PHYHIP: variants seen among roughly 807,000 people sequenced by gnomAD.
PHYHIP encodes the protein phytanoyl-CoA 2-hydroxylase interacting protein.
In PHYHIP, 7 loss-of-function variants were observed where a neutral mutation model predicts 26.1. The observed-to-expected ratio is 0.27, with a 90% CI of 0.15 to 0.50. The LOEUF is 0.50. Ranked by LOEUF, PHYHIP falls within the 20% of genes least tolerant of loss-of-function variation. The pLI, the probability that PHYHIP is intolerant of heterozygous loss-of-function variation, is 0.98. For missense variants in PHYHIP, 232 were observed against 454.7 expected, an observed-to-expected ratio of 0.51 and a Z score of 4.45; for synonymous variants, 206 against 183.4, an observed-to-expected ratio of 1.12 and a Z score of -1.00.
chr8:22,224,397 C>A (rs1586489494), intron 3 of PHYHIP, 54 bp from the exon 4 acceptor site: 1 of 1,008,708 alleles, frequency 9.9e-7, no homozygotes, highest in East Asian at 2.4e-5. Context: ...GGAGCACAAA[C>A]ACCTCCTGTC....
chr8:22,226,783 C>T, intron 3 of PHYHIP, 68 bp downstream of exon 3: 1 of 1,445,012 alleles, frequency 6.9e-7, no homozygotes, highest in South Asian at 1.3e-5. Context: ...ACGAGGAAGA[C>T]CCGCCTTGAC....
chr8:22,228,066 A>G (rs1829787387), intron 2 of PHYHIP, 127 bp downstream of exon 2: 2 of 771,426 alleles, frequency 2.6e-6, no homozygotes, highest in African/African-American at 3.5e-5. Context: ...TCCCAAAATG[A>G]CACAGGAAGA....
chr8:22,228,583 G>A (rs1309552852), intron 1 of PHYHIP, 197 bp from the exon 2 acceptor site: 6 of 491,412 alleles, frequency 1.2e-5, no homozygotes, highest in Non-Finnish European at 1.8e-5. Context: ...TGCCCGGGGG[G>A]CTCTTTGCTC....
Position 22,221,270 on chromosome 8 carries a change from G to A in PHYHIP, c.*83C>T, listed in dbSNP as rs1829616356. 7.5e-7 allele frequency: 1 copy of A among 1,331,574 alleles called. No homozygotes were observed. The highest frequency in any genetic ancestry group is 1.5e-5 in the South Asian group (1 of 68,770). 82.5% of individuals were successfully genotyped at this position (1,331,574 alleles called of 1,614,324 possible). A position where few individuals can be genotyped will look rare whatever the true frequency, so the allele number is the denominator to read the frequency against. On this transcript the variant is annotated 3_prime_UTR_variant, in exon 5 of 5. Transcript: ENST00000454243. This position sits in a 1 kb window ranked among gnomAD's most constrained non-coding sequence, Gnocchi z 7.9. The stretch of plus-strand genomic sequence containing the variant: ...GTGGAGGGAGCAGGGGGGCAGGAGA[G>A]AGAAAGCCAGCTCCCTGAACCTGGG...
At chr8:22,225,304 A>G (rs1460069125) in intron 3 of PHYHIP, among the ~76,000 whole-genome samples, 2 of 152,122 alleles carry the variant, frequency 1.3e-5, no homozygotes, top group African/African-American at 2.4e-5. Flanking sequence ...GAAAAACTCC[A>G]TCTCTACAAA....
In PHYHIP at chr8:22,227,034, CAG is replaced by C. The variant is rs1247051472; in HGVS notation, c.166-11_166-10del. 1 of 1,607,236 alleles carries C rather than the reference CAG, an allele frequency of 6.2e-7. No individual in the cohort carries two copies. The highest frequency in any genetic ancestry group is 8.5e-7 in the Non-Finnish European group (1 of 1,177,472). ...AGCTTGGTGGGGACGTCCTGAGAAA[CAG>C]GGTACAAACAGAGAGCCAGGCGTCA... On this transcript the variant is annotated splice_polypyrimidine_tract_variant and intron_variant, in intron 2 of 4. Coordinates refer to ENST00000454243, the MANE Select transcript of PHYHIP (RefSeq NM_014759.5).
At chr8:22,224,927 T>C (rs75850178) in intron 3 of PHYHIP, among the ~76,000 whole-genome samples, 2,878 of 152,204 alleles carry the variant, frequency 0.019, 92 homozygotes, top group African/African-American at 0.064. Flanking sequence ...GGAAACAGGA[T>C]AGCAACATTG....
At chr8:22,227,675 T>C in intron 2 of PHYHIP, 1 of 456,450 alleles carries the variant, frequency 2.2e-6, no homozygotes, top group Non-Finnish European at 4.4e-6. Flanking sequence ...CCATTCCTTT[T>C]CTAAGTCAAG....
chr8:22,223,750 C>T (rs1829683333), intron 4 of PHYHIP: 1 of 154,462 alleles, frequency 6.5e-6, no homozygotes, highest in Non-Finnish European at 1.4e-5. Flanking sequence ...TCCCCCCAAC[C>T]CCATGGCAGC....
intron 2 of PHYHIP, chr8:22,227,562 TC>T (rs1829775292): frequency 3.5e-5 from 16 of 452,922 alleles, no homozygotes; most frequent in South Asian, 2.2e-4. Flanking sequence ...GCCGCCTCAC[TC>T]CCCCTGCCTC....
chr8:22,221,413 A>C lies in PHYHIP; in HGVS notation c.933T>G (p.Ser311=). Residue 311 remains serine (S), a synonymous_variant, in exon 5 of 5, where the codon TCT becomes TCG. Coordinates refer to ENST00000454243, the MANE Select transcript of PHYHIP (RefSeq NM_014759.5). This position sits in a 1 kb window ranked among gnomAD's most constrained non-coding sequence, Gnocchi z 7.9. ...EISGHQLMSL[S]TADAKKDPSC... Reference sequence around the variant, plus strand: ...TGGGGTCCTTCTTGGCATCGGCAGTAGACAGACTCATGAGCTGGTGCCCAC... The same window carrying C: ...TGGGGTCCTTCTTGGCATCGGCAGTCGACAGACTCATGAGCTGGTGCCCAC... 1 of 1,613,522 alleles carries C rather than the reference A, an allele frequency of 6.2e-7. No homozygotes were observed. Among genetic ancestry groups the C allele is most frequent in the African/African-American group, 1.3e-5 (1 of 75,052 alleles).
chr8:22,225,640 C>T (rs1233341164), intron 3 of PHYHIP, among the ~76,000 whole-genome samples: 1 of 127,978 alleles, frequency 7.8e-6, no homozygotes, highest in Admixed American at 8.0e-5. Context: ...ACTAAAAATA[C>T]AAAAAAAAAA....
At position 22,220,750 on chromosome 8, in the gene PHYHIP, C is replaced by G. The variant is rs1829601806; in HGVS notation, c.*603G>C. The G allele has an allele frequency of 6.6e-6, 1 of 152,456 alleles. No individual in the cohort carries two copies. The allele number at this position is 152,456 out of a possible 1,614,324, so 9.4% of individuals were successfully genotyped here. A position where few individuals can be genotyped will look rare whatever the true frequency, so the allele number is the denominator to read the frequency against. ...TGGGCAGGTGGAGAAGGAGGGACAG[C>G]TCTCCCATGCAGGAAGAGGGTTCTT... On this transcript the variant is annotated 3_prime_UTR_variant, in exon 5 of 5. Transcript: ENST00000454243.
chr8:22,224,429 T>C, intron 3 of PHYHIP, 86 bp from the exon 4 acceptor site: 1 of 775,468 alleles, frequency 1.3e-6, no homozygotes, highest in Middle Eastern at 2.3e-4. Flanking sequence ...CCACACTGTG[T>C]GTGCCGGCCA....
chr8:22,227,522 C>A, intron 2 of PHYHIP: 3 of 439,978 alleles, frequency 6.8e-6, no homozygotes, highest in South Asian at 4.8e-5. Context: ...GAGTAACCCA[C>A]GCCGGTGCCG....
chr8:22,220,378 T>A lies in PHYHIP; in HGVS notation c.*975A>T, dbSNP rs1829591751. On this transcript the variant is annotated 3_prime_UTR_variant, in exon 5 of 5. Transcript: ENST00000454243. ...AGCAGCAGAGGGTCCACAGTCCAGG[T>A]CACGCATGGGCACAGTACAGTCATG... 1 of 152,570 alleles carries A rather than the reference T, an allele frequency of 6.6e-6. No homozygotes were observed. Among genetic ancestry groups the A allele is most frequent in the Non-Finnish European group, 1.5e-5 (1 of 68,418 alleles). 9.5% of individuals were successfully genotyped at this position (152,570 alleles called of 1,614,324 possible).
intron 4 of PHYHIP, chr8:22,223,915 C>T (rs1376577851): frequency 7.2e-6 from 2 of 276,806 alleles, no homozygotes; most frequent in Non-Finnish European, 1.4e-5. Context: ...ATCGGAGAGA[C>T]CTGTGGTGGT....
At chr8:22,225,683 T>C (rs1418983297) in intron 3 of PHYHIP, among the ~76,000 whole-genome samples, 3 of 146,292 alleles carry the variant, frequency 2.1e-5, no homozygotes, top group Non-Finnish European at 1.5e-5. Context: ...TGGGCGTCTG[T>C]AATCCCAGCT....
At chr8:22,231,454 C>T (rs563259970) in intron 1 of PHYHIP, among the ~76,000 whole-genome samples, 2 of 152,234 alleles carry the variant, frequency 1.3e-5, no homozygotes, top group South Asian at 2.1e-4. Context: ...CCAGCCAACT[C>T]GCGAGCGCGC....
Sources: gnomAD v4.1 joint callset for allele counts (sites outside exome capture counted in the v4.1 genomes callset) on GRCh38, gnomAD v4.1.1 for gene constraint, Gnocchi (gnomAD v3.1) non-coding constraint, MANE v1.5 for transcripts, NCBI Gene and HGNC (gene_info 2026-07-23, HGNC 2026-07-21) for gene names.